The following WDPCP variants were observed in gnomAD, a reference collection of about 807,000 sequenced individuals.
The protein encoded by WDPCP is WD repeat-containing and planar cell polarity effector protein fritz homolog.
A neutral mutation model predicts 93.1 loss-of-function variants in WDPCP; 71 were observed. The observed-to-expected ratio is 0.76, with a 90% CI of 0.63 to 0.93. The LOEUF is 0.93. Ranked by LOEUF, WDPCP falls within the 40% of genes least tolerant of loss-of-function variation. The pLI is 0.00. For synonymous variants in WDPCP, 315 were observed against 315.0 expected (o/e 1.00, Z 0.00); for missense variants, 844 against 887.4 (o/e 0.95, Z 0.62).
At chr2:63,804,831 C>T (rs901317948) in intron 2 of WDPCP, among the ~76,000 whole-genome samples, 1 of 151,620 alleles carries the variant, frequency 6.6e-6, no homozygotes, top group East Asian at 2.0e-4. Context: ...AGCTCGAGAC[C>T]AGCCTGGCCA....
chr2:63,668,343 T>C (rs992367863), intron 2 of WDPCP, among the ~76,000 whole-genome samples: 1 of 152,176 alleles, frequency 6.6e-6, no homozygotes, highest in African/African-American at 2.4e-5. Context: ...ACAAAAAAGA[T>C]TCTCTCCATA....
intron 14 of WDPCP, among the ~76,000 whole-genome samples, chr2:63,243,129 C>G (rs1401081852): frequency 6.6e-6 from 1 of 152,162 alleles, no homozygotes; most frequent in South Asian, 2.1e-4. Context: ...GTCAATCTGA[C>G]TTCTCAGGCT....
At chr2:63,421,096 TA>T (rs1386056676) in intron 9 of WDPCP, among the ~76,000 whole-genome samples, 2 of 152,238 alleles carry the variant, frequency 1.3e-5, no homozygotes, top group African/African-American at 4.8e-5. Context: ...CATCTTTACT[TA>T]TTCAAATTAT....
chr2:63,577,579 T>G (rs1305254859), intron 1 of WDPCP, among the ~76,000 whole-genome samples: 1 of 152,166 alleles, frequency 6.6e-6, no homozygotes, highest in Admixed American at 6.5e-5. Flanking sequence ...CTAATAGTCA[T>G]GTAAGCCTGT....
chr2:63,822,484 T>C (rs1671038248), intron 1 of WDPCP, among the ~76,000 whole-genome samples: 1 of 152,232 alleles, frequency 6.6e-6, no homozygotes. Flanking sequence ...ATTTGGATTT[T>C]ACTTTATTAT....
chr2:63,683,763 C>A (rs142863992), intron 2 of WDPCP, among the ~76,000 whole-genome samples: 1 of 151,738 alleles, frequency 6.6e-6, no homozygotes, highest in Non-Finnish European at 1.5e-5. Flanking sequence ...GCAGGAAAAT[C>A]GCTTGAACCC....
chr2:63,344,374 CCTT>C (rs1689049418), intron 12 of WDPCP, among the ~76,000 whole-genome samples: 1 of 152,280 alleles, frequency 6.6e-6, no homozygotes, highest in African/African-American at 2.4e-5. Context: ...CTAGGGCACT[CCTT>C]CACTGTTTAG....
chr2:63,350,843 C>A (rs536300110), intron 12 of WDPCP, among the ~76,000 whole-genome samples: 46 of 152,166 alleles, frequency 3.0e-4, no homozygotes, highest in Admixed American at 1.3e-3. Context: ...TGCAAATAGC[C>A]AATTTATATA....
chr2:63,744,451 T>G (rs1669765785), intron 2 of WDPCP, among the ~76,000 whole-genome samples: 1 of 152,124 alleles, frequency 6.6e-6, no homozygotes, highest in African/African-American at 2.4e-5. Flanking sequence ...ATTGATAAGC[T>G]TCTTCCATAG....
At chr2:63,593,458 G>A, upstream of WDPCP, 1 of 432,326 alleles carries the variant, frequency 2.3e-6, no homozygotes, top group South Asian at 1.7e-5. Flanking sequence ...AAATTGCTGA[G>A]TGCTGCTAAC....
intron 1 of WDPCP, among the ~76,000 whole-genome samples, chr2:63,819,324 A>AG (rs1670984618): frequency 6.6e-6 from 1 of 152,148 alleles, no homozygotes; most frequent in African/African-American, 2.4e-5. Flanking sequence ...TGATCAGCTG[A>AG]GGGATCTCCC....
intron 1 of WDPCP, among the ~76,000 whole-genome samples, chr2:63,818,697 A>AT (rs761226124): frequency 2.6e-5 from 4 of 152,236 alleles, no homozygotes; most frequent in Admixed American, 6.5e-5. Context: ...ACAAAAGAAT[A>AT]TAAAAAGTAT....
intron 1 of WDPCP, among the ~76,000 whole-genome samples, chr2:63,538,696 C>G (rs1373128494): frequency 6.6e-6 from 1 of 152,082 alleles, no homozygotes; most frequent in East Asian, 1.9e-4. Flanking sequence ...ATGCATCATT[C>G]AAGGAAAATA....
rs1031322437 is a variant in WDPCP, at chr2:63,336,927, C to T, written c.1749-23616G>A. On this transcript the variant is annotated intron_variant, in intron 12 of 17. Transcript: ENST00000272321. The stretch of plus-strand genomic sequence containing the variant: ...TTTTTTTTTTTGAGACAGAGTCTCG[C>T]TCTGTCACCAGGTTGGAGTGCAGTG... Among the ~76,000 whole-genome samples the T allele has an allele frequency of 4.9e-5, 7 of 142,464 alleles. No homozygotes were observed. In the South Asian group the frequency reaches 1.3e-3, roughly 27 times the overall value. The allele number at this position is 142,464 out of a possible 152,430, so 93.5% of individuals were successfully genotyped here.
intron 2 of WDPCP, among the ~76,000 whole-genome samples, chr2:63,779,526 C>A (rs1399317605): frequency 6.6e-6 from 1 of 152,114 alleles, no homozygotes; most frequent in Non-Finnish European, 1.5e-5. Context: ...CCACTTGAGG[C>A]TGAGAAGCAA....
chr2:63,728,016 AAAT>A (rs1348158230), intron 2 of WDPCP, among the ~76,000 whole-genome samples: 1 of 152,206 alleles, frequency 6.6e-6, no homozygotes, highest in African/African-American at 2.4e-5. Context: ...AAATTTCAGA[AAAT>A]AATAATGCAG....
chr2:63,149,192 G>GA (rs1338102013), intron 17 of WDPCP, among the ~76,000 whole-genome samples: 1 of 152,036 alleles, frequency 6.6e-6, no homozygotes, highest in Non-Finnish European at 1.5e-5. Flanking sequence ...GAACTCAGTG[G>GA]AAAAATGAGT....
chr2:63,808,736 G>A (rs1022566596), intron 2 of WDPCP, among the ~76,000 whole-genome samples: 7 of 152,292 alleles, frequency 4.6e-5, no homozygotes, highest in African/African-American at 1.7e-4. Flanking sequence ...CCAAAGTGCC[G>A]AGATTGCAGC....
chr2:63,585,367 T>C (rs1486914617), intron 1 of WDPCP, among the ~76,000 whole-genome samples: 5 of 152,142 alleles, frequency 3.3e-5, no homozygotes, highest in African/African-American at 9.7e-5. Flanking sequence ...TACCTAGCAT[T>C]ACACTTAAAT....
Sources: gnomAD v4.1 joint callset for allele counts (sites outside exome capture counted in the v4.1 genomes callset) on GRCh38, gnomAD v4.1.1 for gene constraint, MANE v1.5 for transcripts, NCBI Gene and HGNC (gene_info 2026-07-23, HGNC 2026-07-21) for gene names.